The following GNL1 variants were observed in gnomAD, a reference collection of about 807,000 sequenced individuals.
GNL1 encodes guanine nucleotide-binding protein-like 1.
In GNL1, 21 loss-of-function variants were observed where a neutral mutation model predicts 75.2. The ratio of observed to expected loss-of-function variants is 0.28; its 90% CI spans 0.20 to 0.40. The LOEUF (loss-of-function observed/expected upper bound fraction) is 0.40, where lower values mean the gene tolerates loss of function less well. GNL1 is among the 10% of genes least tolerant of loss of function. The pLI, the probability that GNL1 is intolerant of heterozygous loss-of-function variation, is 1.00. For missense variants in GNL1, 579 were observed against 775.0 expected (o/e 0.75, Z 3.00); for synonymous variants, 287 against 303.4 (o/e 0.95, Z 0.56).
chr6:30,547,023 G>A lies in GNL1; in HGVS notation c.1441+89C>T. On this transcript the variant is annotated intron_variant, in intron 10 of 11. Transcript: ENST00000376621. This position sits in a 1 kb window ranked among gnomAD's most constrained non-coding sequence, Gnocchi z 5.5. ...ATCAATGGCAGAATCTCTGAGGAGA[G>A]GAAAGGAGACAGGGAAGGGTAAAAG... 7.8e-7 allele frequency: 1 copy of A among 1,286,088 alleles called. No homozygotes were observed. The highest frequency in any genetic ancestry group is 1.1e-6 in the Non-Finnish European group (1 of 886,718). The allele number at this position is 1,286,088 out of a possible 1,614,324, so 79.7% of individuals were successfully genotyped here. A position where few individuals can be genotyped will look rare whatever the true frequency, so the allele number is the denominator to read the frequency against.
At position 30,543,427 on chromosome 6, in the gene GNL1, T is replaced by C. The variant is rs1267507546; in HGVS notation, c.*2645A>G. The C allele has an allele frequency of 6.6e-6, 1 of 152,142 alleles. No homozygotes were observed. The highest frequency in any genetic ancestry group is 1.5e-5 in the Non-Finnish European group (1 of 68,022). The allele number at this position is 152,142 out of a possible 1,614,324, so 9.4% of individuals were successfully genotyped here. The stretch of plus-strand genomic sequence containing the variant: ...GAACCATTTCTATCTCACTTACCAC[T>C]TGGAAGTGACTGGCAGGTAGTAATT... On this transcript the variant is annotated 3_prime_UTR_variant, in exon 12 of 12. Coordinates refer to ENST00000376621, the MANE Select transcript of GNL1 (RefSeq NM_005275.5).
intron 5 of GNL1, among the ~76,000 whole-genome samples, chr6:30,554,227 A>C (rs758829440): frequency 1.3e-5 from 2 of 152,194 alleles, no homozygotes; most frequent in Non-Finnish European, 2.9e-5. Flanking sequence ...TGGCAGTGCT[A>C]GAGAAATGAG....
chr6:30,549,695 C>T lies in GNL1; in HGVS notation c.1100-2165G>A, dbSNP rs142539967. ...CACCTTCTTCATTTGACTTCTGGGA[C>T]GCTCCCTTGGTTTTCCTCCTTCTCA... On this transcript the variant is annotated intron_variant, in intron 8 of 11. Coordinates refer to ENST00000376621, the MANE Select transcript of GNL1 (RefSeq NM_005275.5). Among the ~76,000 whole-genome samples, 365 of 152,152 alleles carry T rather than the reference C, an allele frequency of 2.4e-3. 2 individuals are homozygous for T. Among genetic ancestry groups the T allele is most frequent in the African/African-American group, 6.9e-3 (287 of 41,492 alleles).
Position 30,554,574 on chromosome 6 carries a change from C to A in GNL1, c.600+1G>T. On this transcript the variant is annotated splice_donor_variant, in intron 5 of 11. Coordinates refer to ENST00000376621, the MANE Select transcript of GNL1 (RefSeq NM_005275.5). LOFTEE classifies it high-confidence loss of function. ...TGCCCACCCTTATCCCTAGTACTCA[C>A]TGGATGTCGGATATCAGTGATAAGC... is the stretch of plus-strand genomic sequence containing the variant. The A allele has an allele frequency of 6.4e-7, 1 of 1,572,788 alleles. No homozygotes were observed. Among genetic ancestry groups the A allele is most frequent in the Non-Finnish European group, 8.7e-7 (1 of 1,143,260 alleles).
At position 30,552,996 on chromosome 6, in the gene GNL1, G is replaced by A; in HGVS notation, c.904+88C>T. On this transcript the variant is annotated intron_variant, in intron 7 of 11. Transcript: ENST00000376621. This position sits in a 1 kb window ranked among gnomAD's most constrained non-coding sequence, Gnocchi z 4.5. ...CTCTTGCACATATCCACCATAGAGG[G>A]GTTGGCTTCAGGAAAGGTGAGCAAA... 1.1e-6 allele frequency: 1 copy of A among 887,472 alleles called. No homozygotes were observed. The highest frequency in any genetic ancestry group is 1.8e-6 in the Non-Finnish European group (1 of 542,968). 55.0% of individuals were successfully genotyped at this position (887,472 alleles called of 1,614,324 possible). A position where few individuals can be genotyped will look rare whatever the true frequency, so the allele number is the denominator to read the frequency against.
Position 30,546,935 on chromosome 6 carries a change from T to C in GNL1, c.1442-99A>G, listed in dbSNP as rs1799487979. On this transcript the variant is annotated intron_variant, in intron 10 of 11. Transcript: ENST00000376621. The surrounding 1 kb of genome is among the most constrained non-coding windows in gnomAD (Gnocchi z 5.1). The stretch of plus-strand genomic sequence containing the variant: ...AGTCCTTCCAGTTTTCCCCAAAACA[T>C]TCCAGGCCAGAGATCTTACTGGCTA... 1.6e-6 allele frequency: 2 copies of C among 1,236,452 alleles called. No homozygotes were observed. The highest frequency in any genetic ancestry group is 1.3e-5 in the South Asian group (1 of 75,480). The allele number at this position is 1,236,452 out of a possible 1,614,324, so 76.6% of individuals were successfully genotyped here.
Position 30,556,425 on chromosome 6 carries a change from T to G in GNL1, c.-222A>C. Reference sequence around the variant, plus strand: ...CTCCAGGAGCGAGGCGAGAGGATGATGCGGGGTGGGCTACTGGCACGTGAG... The same window carrying G: ...CTCCAGGAGCGAGGCGAGAGGATGAGGCGGGGTGGGCTACTGGCACGTGAG... On this transcript the variant is annotated 5_prime_UTR_variant, in exon 1 of 12. Transcript: ENST00000376621. The surrounding 1 kb of genome is among the most constrained non-coding windows in gnomAD (Gnocchi z 5.7). 1 of 591,772 alleles carries G rather than the reference T, an allele frequency of 1.7e-6. No individual in the cohort carries two copies. The highest frequency in any genetic ancestry group is 3.0e-6 in the Non-Finnish European group (1 of 335,404). 36.7% of individuals were successfully genotyped at this position (591,772 alleles called of 1,614,324 possible).
Position 30,545,772 on chromosome 6 carries a change from G to A in GNL1, c.*300C>T, listed in dbSNP as rs546163123. 1.5e-5 allele frequency: 6 copies of A among 401,364 alleles called. No homozygotes were observed. In the South Asian group the frequency reaches 2.0e-4, roughly 13 times the overall value. 24.9% of individuals were successfully genotyped at this position (401,364 alleles called of 1,614,324 possible). On this transcript the variant is annotated 3_prime_UTR_variant, in exon 12 of 12. Coordinates refer to ENST00000376621, the MANE Select transcript of GNL1 (RefSeq NM_005275.5). ...CCTCCCCTCCCCATGTAGATAACGG[G>A]ATTCCTAAGGTGCAGAGTGGGAGAA... is the stretch of plus-strand genomic sequence containing the variant.
rs757422049 is a variant in GNL1, at chr6:30,547,374, G to A, written c.1256C>T (p.Ser419Phe). 1 of 1,610,548 alleles carries A rather than the reference G, an allele frequency of 6.2e-7. No individual in the cohort carries two copies. Among genetic ancestry groups the A allele is most frequent in the Non-Finnish European group, 8.5e-7 (1 of 1,178,562 alleles). The change falls in exon 9 of 12, where the codon TCT becomes TTT. Residue 419 changes from serine (S) to phenylalanine (F), a missense_variant. Physicochemically the swap from Ser to Phe is radical, Grantham distance 155. Coordinates refer to ENST00000376621, the MANE Select transcript of GNL1 (RefSeq NM_005275.5). The surrounding 1 kb of genome is among the most constrained non-coding windows in gnomAD (Gnocchi z 5.5). The part of the protein sequence containing the change: ...LCDCPGLIFP[S>F]LLPRQLQVLA... Reference sequence around the variant, plus strand: ...TACCTGCAACTGCCTAGGCAGAAGAGATGGGAAGATGAGGCCTGGGCAGTC... The same window carrying A: ...TACCTGCAACTGCCTAGGCAGAAGAAATGGGAAGATGAGGCCTGGGCAGTC...
chr6:30,547,602 G>C lies in GNL1; in HGVS notation c.1100-72C>G. 8.0e-7 allele frequency: 1 copy of C among 1,246,302 alleles called. No homozygotes were observed. The highest frequency in any genetic ancestry group is 1.2e-6 in the Non-Finnish European group (1 of 867,062). The allele number at this position is 1,246,302 out of a possible 1,614,324, so 77.2% of individuals were successfully genotyped here. A position where few individuals can be genotyped will look rare whatever the true frequency, so the allele number is the denominator to read the frequency against. On this transcript the variant is annotated intron_variant, in intron 8 of 11. Coordinates refer to ENST00000376621, the MANE Select transcript of GNL1 (RefSeq NM_005275.5). This position sits in a 1 kb window ranked among gnomAD's most constrained non-coding sequence, Gnocchi z 5.5. ...GATGGGACTTGGTGCTATACCTATA[G>C]GTAAAAGGGGAACTAAGGCTCAGAA... is the stretch of plus-strand genomic sequence containing the variant.
Position 30,544,486 on chromosome 6 carries a change from T to G in GNL1, c.*1586A>C, listed in dbSNP as rs1041914804. 3 of 152,234 alleles carry G rather than the reference T, an allele frequency of 2.0e-5. No individual in the cohort carries two copies. Among genetic ancestry groups the G allele is most frequent in the Non-Finnish European group, 4.4e-5 (3 of 68,044 alleles). The allele number at this position is 152,234 out of a possible 1,614,324, so 9.4% of individuals were successfully genotyped here. A position where few individuals can be genotyped will look rare whatever the true frequency, so the allele number is the denominator to read the frequency against. On this transcript the variant is annotated 3_prime_UTR_variant, in exon 12 of 12. Transcript: ENST00000376621. ...CATGAACCCTCAAAGTAAGCTTAGC[T>G]TGGGCCCCTTTTCCTTTTCTATCAG...
chr6:30,545,858 C>G lies in GNL1; in HGVS notation c.*214G>C, dbSNP rs879753525. The G allele has an allele frequency of 7.1e-5, 39 of 549,222 alleles. No homozygotes were observed. The highest frequency in any genetic ancestry group is 4.4e-4 in the Admixed American group (11 of 25,214). The allele number at this position is 549,222 out of a possible 1,614,324, so 34.0% of individuals were successfully genotyped here. On this transcript the variant is annotated 3_prime_UTR_variant, in exon 12 of 12. Transcript: ENST00000376621. ...TACTAAACTCCTAAGAGAACTTTCCCTTGCAAAGAGAATGCATGAAAAAAG... is the reference window on the plus strand; with the variant it reads ...TACTAAACTCCTAAGAGAACTTTCCGTTGCAAAGAGAATGCATGAAAAAAG...
Position 30,552,651 on chromosome 6 carries a change from G to T in GNL1, c.915C>A (p.Ser305Arg). The T allele has an allele frequency of 6.2e-7, 1 of 1,613,120 alleles. No homozygotes were observed. The highest frequency in any genetic ancestry group is 1.1e-5 in the South Asian group (1 of 90,978). The change falls in exon 8 of 12, where the codon AGC (serine) becomes AGA (arginine). Residue 305 changes from serine to arginine, a missense_variant. Transcript: ENST00000376621. The surrounding 1 kb of genome is among the most constrained non-coding windows in gnomAD (Gnocchi z 4.5). Reference sequence around the variant, plus strand: ...CCCGAGCAATCTTCTCCCGCCAGCTGCTCAAGTCCACTGCTCAAAGAAGGA... The same window carrying T: ...CCCGAGCAATCTTCTCCCGCCAGCTTCTCAAGTCCACTGCTCAAAGAAGGA... Reference protein sequence around the residue: ...EAITVGKVDLSSWREKIARDV... With the variant: ...EAITVGKVDLRSWREKIARDV...
rs1411254692 is a variant in GNL1 at position 30,555,696 on chromosome 6, C to G, written c.98G>C (p.Ser33Thr). The G allele has an allele frequency of 1.2e-6, 2 of 1,613,646 alleles. No individual in the cohort carries two copies. The highest frequency in any genetic ancestry group is 1.7e-6 in the Non-Finnish European group (2 of 1,179,976). The change falls in exon 2 of 12, where the codon AGT (serine) becomes ACT (threonine). Residue 33 changes from serine to threonine, a missense_variant. Transcript: ENST00000376621. The surrounding 1 kb of genome is among the most constrained non-coding windows in gnomAD (Gnocchi z 4.3). ...CCGGCTCCCGCTGCGGCTGTTGGAA[C>G]TGGAGCGCAGCCCATCTTGAAGCCC... ...KRGLQDGLRS[S>T]SNSRSGSRER...
Position 30,545,834 on chromosome 6 carries a change from A to G in GNL1, c.*238T>C, listed in dbSNP as rs1038016581. The G allele has an allele frequency of 2.1e-5, 11 of 526,610 alleles. No individual in the cohort carries two copies. The highest frequency in any genetic ancestry group is 2.0e-4 in the African/African-American group (10 of 49,654). The allele number at this position is 526,610 out of a possible 1,614,324, so 32.6% of individuals were successfully genotyped here. ...AGCAGGTTTCAGAGACTGAGAACCT[A>G]CTAAACTCCTAAGAGAACTTTCCCT... On this transcript the variant is annotated 3_prime_UTR_variant, in exon 12 of 12. Transcript: ENST00000376621.
chr6:30,556,434 G>T lies in GNL1; in HGVS notation c.-231C>A. The T allele has an allele frequency of 3.4e-6, 2 of 591,498 alleles. No homozygotes were observed. The highest frequency in any genetic ancestry group is 6.0e-6 in the Non-Finnish European group (2 of 334,398). 36.6% of individuals were successfully genotyped at this position (591,498 alleles called of 1,614,324 possible). On this transcript the variant is annotated 5_prime_UTR_variant, in exon 1 of 12. Coordinates refer to ENST00000376621, the MANE Select transcript of GNL1 (RefSeq NM_005275.5). The surrounding 1 kb of genome is among the most constrained non-coding windows in gnomAD (Gnocchi z 5.7). The stretch of plus-strand genomic sequence containing the variant: ...CGAGGCGAGAGGATGATGCGGGGTG[G>T]GCTACTGGCACGTGAGAGCCAGTGG...
In GNL1 at chr6:30,552,668, A is replaced by G. The variant is rs1443191083; in HGVS notation, c.905-7T>C. 4.3e-6 allele frequency: 7 copies of G among 1,610,520 alleles called. No homozygotes were observed. Among genetic ancestry groups the G allele is most frequent in the African/African-American group, 2.7e-5 (2 of 74,894 alleles). ...CGCCAGCTGCTCAAGTCCACTGCTC[A>G]AAGAAGGAGAAGATTAAAGAGGTTC... On this transcript the variant is annotated splice_polypyrimidine_tract_variant and splice_region_variant and intron_variant, in intron 7 of 11. Coordinates refer to ENST00000376621, the MANE Select transcript of GNL1 (RefSeq NM_005275.5). The surrounding 1 kb of genome is among the most constrained non-coding windows in gnomAD (Gnocchi z 4.5).
Position 30,543,103 on chromosome 6 carries a change from A to C in GNL1, c.*2969T>G, listed in dbSNP as rs1799259210. 1 of 152,334 alleles carries C rather than the reference A, an allele frequency of 6.6e-6. No individual in the cohort carries two copies. Among genetic ancestry groups the C allele is most frequent in the African/African-American group, 2.4e-5 (1 of 41,446 alleles). The allele number at this position is 152,334 out of a possible 1,614,324, so 9.4% of individuals were successfully genotyped here. ...CAGCATGGACATCTGTTCCTCTAGG[A>C]CGCTTCCCCTGATTCACCAAGACCA... On this transcript the variant is annotated 3_prime_UTR_variant, in exon 12 of 12. Transcript: ENST00000376621.
At chr6:30,551,762 G>T (rs1799792746) in intron 8 of GNL1, among the ~76,000 whole-genome samples, 1 of 152,098 alleles carries the variant, frequency 6.6e-6, no homozygotes, top group African/African-American at 2.4e-5. Context: ...TACATAGTAA[G>T]CACCATATAA....
Sources: gnomAD v4.1 joint callset for allele counts (sites outside exome capture counted in the v4.1 genomes callset) on GRCh38, gnomAD v4.1.1 for gene constraint, Gnocchi (gnomAD v3.1) non-coding constraint, MANE v1.5 for transcripts, NCBI Gene and HGNC (gene_info 2026-07-23, HGNC 2026-07-21) for gene names.